C10orf90: variants seen among roughly 807,000 people sequenced by gnomAD.
C10orf90 encodes the protein chromosome 10 open reading frame 90, also known as (E2-independent) E3 ubiquitin-conjugating enzyme FATS.
Under a neutral mutation model 62.5 loss-of-function variants are expected in C10orf90, and 56 were observed. That is an observed-to-expected ratio of 0.90 (90% CI 0.72 to 1.12). The LOEUF (loss-of-function observed/expected upper bound fraction) is 1.12. Among genes scored for constraint, C10orf90 ranks in the 50% most tolerant of loss-of-function variants. C10orf90 has a pLI of 0.00. For synonymous variants in C10orf90, 386 were observed against 340.4 expected (o/e 1.13, Z -1.47); for missense variants, 970 against 880.4 (o/e 1.10, Z -1.29).
chr10:126,475,919 C>T (rs1041869097), intron 4 of C10orf90, among the ~76,000 whole-genome samples: 1 of 152,060 alleles, frequency 6.6e-6, no homozygotes, highest in African/African-American at 2.4e-5. Context: ...AACGTCCAAA[C>T]GTATTTTCAG....
intron 2 of C10orf90, among the ~76,000 whole-genome samples, chr10:126,594,777 A>G (rs1845051178): frequency 6.6e-6 from 1 of 152,104 alleles, no homozygotes; most frequent in Non-Finnish European, 1.5e-5. Context: ...GTCCTGAGAC[A>G]GGAAGGGTTT....
In C10orf90 at chr10:126,670,519, C is replaced by T. The variant is rs1846729405; in HGVS notation, c.-39G>A. On this transcript the variant is annotated 5_prime_UTR_variant, in exon 1 of 10. Coordinates refer to ENST00000488181, the MANE Select transcript of C10orf90 (RefSeq NM_001350921.2). ...TTGTGACTTTAGCTAGTGAGACTGG[C>T]AAACACAATTTTCTTTGTTTAACCC... is the stretch of plus-strand genomic sequence containing the variant. 1 of 452,458 alleles carries T rather than the reference C, an allele frequency of 2.2e-6. No individual in the cohort carries two copies. Among genetic ancestry groups the T allele is most frequent in the South Asian group, 1.6e-5 (1 of 64,198 alleles). The allele number at this position is 452,458 out of a possible 1,614,324, so 28.0% of individuals were successfully genotyped here.
At chr10:126,489,574 C>A (rs753649026) in intron 4 of C10orf90, among the ~76,000 whole-genome samples, 1 of 152,022 alleles carries the variant, frequency 6.6e-6, no homozygotes, top group African/African-American at 2.4e-5. Flanking sequence ...CAGAGCACGA[C>A]GAGTGTTGGT....
chr10:126,658,734 G>A (rs1332508858), intron 1 of C10orf90, among the ~76,000 whole-genome samples: 2 of 152,162 alleles, frequency 1.3e-5, no homozygotes, highest in Admixed American at 1.3e-4. Flanking sequence ...TACCATTGCT[G>A]ACAATTTTCC....
intron 7 of C10orf90, among the ~76,000 whole-genome samples, chr10:126,437,024 T>C (rs1215450582): frequency 6.6e-6 from 1 of 152,152 alleles, no homozygotes; most frequent in Non-Finnish European, 1.5e-5. Flanking sequence ...CAACGACCAC[T>C]GTTTCCCCAG....
intron 7 of C10orf90, among the ~76,000 whole-genome samples, chr10:126,432,985 A>G (rs1857679265): frequency 3.3e-5 from 5 of 152,214 alleles, no homozygotes; most frequent in Admixed American, 2.6e-4. Flanking sequence ...AGATGACCAC[A>G]GTGGCTCTTC....
chr10:126,503,326 C>T (rs1862508830), intron 4 of C10orf90, among the ~76,000 whole-genome samples: 1 of 152,204 alleles, frequency 6.6e-6, no homozygotes, highest in African/African-American at 2.4e-5. Flanking sequence ...CAAGATGCCC[C>T]AGAAGACAAA....
intron 4 of C10orf90, among the ~76,000 whole-genome samples, chr10:126,470,616 G>A (rs1477567153): frequency 2.1e-5 from 3 of 145,220 alleles, no homozygotes; most frequent in African/African-American, 8.1e-5. Flanking sequence ...CAAGCATGGT[G>A]GTATGTGCCT....
chr10:126,653,574 T>C (rs1846333414), intron 1 of C10orf90, among the ~76,000 whole-genome samples: 1 of 152,204 alleles, frequency 6.6e-6, no homozygotes, highest in South Asian at 2.1e-4. Context: ...ACAACATCTT[T>C]AGTTACTTCC....
intron 2 of C10orf90, among the ~76,000 whole-genome samples, chr10:126,614,525 C>T (rs986412034): frequency 7.9e-5 from 12 of 152,124 alleles, no homozygotes; most frequent in African/African-American, 2.9e-4. Context: ...CCTTCCCCTG[C>T]CTGTGGATTG....
At chr10:126,580,846 T>C (rs1251596324) in intron 2 of C10orf90, among the ~76,000 whole-genome samples, 12 of 151,496 alleles carry the variant, frequency 7.9e-5, no homozygotes, top group Non-Finnish European at 1.8e-4. Context: ...TGTATGAGTG[T>C]GTGTCTGTGC....
At chr10:126,567,353 GAT>G (rs1844414941) in intron 2 of C10orf90, among the ~76,000 whole-genome samples, 1 of 152,082 alleles carries the variant, frequency 6.6e-6, no homozygotes, top group African/African-American at 2.4e-5. Context: ...CAAACAACCA[GAT>G]CTTGTAAAAA....
At chr10:126,567,350 C>G (rs1388809410) in intron 2 of C10orf90, among the ~76,000 whole-genome samples, 1 of 152,048 alleles carries the variant, frequency 6.6e-6, no homozygotes, top group Non-Finnish European at 1.5e-5. Context: ...TTTCAAACAA[C>G]CAGATCTTGT....
intron 2 of C10orf90, among the ~76,000 whole-genome samples, chr10:126,515,546 T>A (rs1012356392): frequency 6.6e-6 from 1 of 152,186 alleles, no homozygotes. Context: ...AGGAACAATA[T>A]GCCATACCAT....
At chr10:126,577,006 G>A (rs1269932329) in intron 2 of C10orf90, among the ~76,000 whole-genome samples, 1 of 151,400 alleles carries the variant, frequency 6.6e-6, no homozygotes, top group African/African-American at 2.4e-5. Flanking sequence ...GAAGGGTAGG[G>A]GGAAGAGAAG....
At chr10:126,451,595 A>G (rs1859197024) in intron 7 of C10orf90, among the ~76,000 whole-genome samples, 1 of 152,022 alleles carries the variant, frequency 6.6e-6, no homozygotes, top group African/African-American at 2.4e-5. Flanking sequence ...CTATTGATAT[A>G]TATATATCCA....
At chr10:126,499,906 G>T in intron 4 of C10orf90, among the ~76,000 whole-genome samples, 1 of 152,186 alleles carries the variant, frequency 6.6e-6, no homozygotes, top group East Asian at 1.9e-4. Flanking sequence ...AAAAGCTTCA[G>T]ATTTAAGCCA....
intron 7 of C10orf90, 111 bp from the exon 8 acceptor site, chr10:126,429,961 T>C: frequency 1.0e-6 from 1 of 959,034 alleles, no homozygotes; most frequent in Non-Finnish European, 1.6e-6. Flanking sequence ...TTCTAAGCCA[T>C]ATCCTGAGTC....
rs923901132 is a variant in C10orf90 at position 126,590,581 on chromosome 10, A to G, written c.313+55984T>C. 5.9e-5 allele frequency among the ~76,000 whole-genome samples: 9 copies of G among 152,328 alleles called. 2 individuals carry two copies. The highest frequency in any genetic ancestry group is 6.5e-5 in the Admixed American group (1 of 15,302). On this transcript the variant is annotated intron_variant, in intron 2 of 9. Transcript: ENST00000488181. ...TGGAAATTCAATAGCGTGCTCCTGA[A>G]TGACTGCTGGGTAAATATTAAAATT...
Sources: gnomAD v4.1 joint callset for allele counts (sites outside exome capture counted in the v4.1 genomes callset) on GRCh38, gnomAD v4.1.1 for gene constraint, MANE v1.5 for transcripts, NCBI Gene and HGNC (gene_info 2026-07-23, HGNC 2026-07-21) for gene names.